Variants in VMA12 observed in about 807,000 individuals in gnomAD.
VMA12 encodes vacuolar ATPase assembly factor VMA12.
chr17:28,359,994 G>A, the VMA12 span, among the ~76,000 whole-genome samples: 1 of 151,152 alleles, frequency 6.6e-6, no homozygotes, highest in East Asian at 1.9e-4. Context: ...TTGAGATGGA[G>A]TCTCACTCTG....
At chr17:28,358,555 G>A in the VMA12 span, 3 of 482,506 alleles carry the variant, frequency 6.2e-6, no homozygotes, top group African/African-American at 2.0e-5. Context: ...CTTAGAAAGA[G>A]ATTGCCTAGT....
the VMA12 span, chr17:28,361,169 G>A: frequency 1.2e-6 from 2 of 1,614,152 alleles, no homozygotes; most frequent in Non-Finnish European, 1.7e-6. Flanking sequence ...GGTGCTAGCT[G>A]CATTGATCGT....
the VMA12 span, chr17:28,360,648 A>T: frequency 6.2e-7 from 1 of 1,608,152 alleles, no homozygotes; most frequent in Non-Finnish European, 8.5e-7. Flanking sequence ...TGTTTGACTG[A>T]AACCCAGTTG....
the VMA12 span, chr17:28,358,500 GA>G: frequency 2.1e-6 from 1 of 473,642 alleles, no homozygotes; most frequent in Non-Finnish European, 4.4e-6. Context: ...AGACCAGCCA[GA>G]AGTGCAAAGG....
chr17:28,361,035 CT>C, the VMA12 span: 18 of 1,032,780 alleles, frequency 1.7e-5, no homozygotes, highest in East Asian at 4.4e-4. Flanking sequence ...GCCACATTCT[CT>C]TTTCTTCCCC....
the VMA12 span, chr17:28,363,223 G>C: frequency 2.0e-5 from 3 of 152,206 alleles, no homozygotes; most frequent in Non-Finnish European, 4.4e-5. Context: ...TCTCTCCAAA[G>C]CAGAGCAGCT....
At chr17:28,362,297 C>T in the VMA12 span, 1 of 151,964 alleles carries the variant, frequency 6.6e-6, no homozygotes, top group Non-Finnish European at 1.5e-5. Context: ...GAAGTGTCAG[C>T]TGTGAAAAGA....
At chr17:28,361,351 C>T in the VMA12 span, 4 of 1,171,994 alleles carry the variant, frequency 3.4e-6, no homozygotes, top group Admixed American at 1.9e-5. Context: ...TTGTATTCAG[C>T]TCCAGTTAGT....
chr17:28,357,752 C>G, the VMA12 span: 12 of 1,613,406 alleles, frequency 7.4e-6, no homozygotes, highest in South Asian at 2.2e-5. Context: ...GCGGCTACCC[C>G]GAAAGCTGCG....
chr17:28,357,776 G>C, the VMA12 span: 1 of 1,613,786 alleles, frequency 6.2e-7, no homozygotes, highest in Non-Finnish European at 8.5e-7. Flanking sequence ...CGAGCTTGAG[G>C]CCGCGCTGGG....
the VMA12 span, chr17:28,357,747 T>G: frequency 5.6e-6 from 9 of 1,613,354 alleles, no homozygotes; most frequent in South Asian, 9.9e-5. Context: ...CCAGAGCGGC[T>G]ACCCCGAAAG....
chr17:28,360,891 T>C, the VMA12 span: 1 of 1,530,694 alleles, frequency 6.5e-7, no homozygotes, highest in East Asian at 2.2e-5. Context: ...GGTGGGGGTG[T>C]TAGTGGGTAA....
chr17:28,361,893 C>T, the VMA12 span: 1 of 152,650 alleles, frequency 6.6e-6, no homozygotes, highest in Admixed American at 6.5e-5. Context: ...TAAATGATCA[C>T]TATGGTCCTT....
chr17:28,358,952 G>A, the VMA12 span: 1 of 1,612,638 alleles, frequency 6.2e-7, no homozygotes, highest in Non-Finnish European at 8.5e-7. Context: ...CTAGAAGGCA[G>A]TGAAATCTAT....
chr17:28,357,707 C>T, the VMA12 span: 1 of 1,613,104 alleles, frequency 6.2e-7, no homozygotes, highest in Non-Finnish European at 8.5e-7. Context: ...GCGATTGGTG[C>T]GTGCTTTGGG....
At chr17:28,361,268 C>G in the VMA12 span, 1 of 1,613,266 alleles carries the variant, frequency 6.2e-7, no homozygotes, top group Non-Finnish European at 8.5e-7. Flanking sequence ...GCTTCATCAT[C>G]AAGTCTAGAG....
chr17:28,358,064 T>C, the VMA12 span: 1 of 668,436 alleles, frequency 1.5e-6, no homozygotes, highest in Non-Finnish European at 2.5e-6. Flanking sequence ...GGATGACAAA[T>C]TTGCTTGTGC....
At chr17:28,358,491 G>A in the VMA12 span, 8 of 473,106 alleles carry the variant, frequency 1.7e-5, no homozygotes, top group East Asian at 6.9e-5. Context: ...AAGTAACATA[G>A]ACCAGCCAGA....
the VMA12 span, chr17:28,358,220 A>G: frequency 5.0e-6 from 2 of 403,688 alleles, no homozygotes; most frequent in South Asian, 2.0e-5. Context: ...AGCTTAGCAT[A>G]GTGAGCTTGT....
Sources: allele counts gnomAD v4.1 joint callset (sites outside exome capture counted in the v4.1 genomes callset), GRCh38; gene constraint gnomAD v4.1.1; transcripts MANE v1.5; gene names NCBI Gene and HGNC (gene_info 2026-07-23, HGNC 2026-07-21).